SS18: variants seen among roughly 807,000 people sequenced by gnomAD.
The protein encoded by SS18 is protein SSXT.
SS18 carries 28 observed loss-of-function variants against 72.5 expected under a neutral mutation model. The observed-to-expected ratio is 0.39, with a 90% CI of 0.29 to 0.53. The LOEUF is 0.53. Among genes scored for constraint, SS18 ranks in the 20% least tolerant of loss-of-function variants. The pLI is 0.76. For synonymous variants in SS18, 172 were observed against 164.2 expected, an observed-to-expected ratio of 1.05 and a Z score of -0.37; for missense variants, 518 against 535.3, an observed-to-expected ratio of 0.97 and a Z score of 0.32.
chr18:26,068,818 A>G lies in SS18; in HGVS notation c.231+9258T>C, dbSNP rs370414941. On this transcript the variant is annotated intron_variant, in intron 3 of 10. Transcript: ENST00000415083. ...TCAATCAATTTTTATTTAACAGGTC[A>G]GACTTTTATTTTTTGTACAGATATC... is the stretch of plus-strand genomic sequence containing the variant. Among the ~76,000 whole-genome samples, 40 of 152,342 alleles carry G rather than the reference A, an allele frequency of 2.6e-4. 1 individual carries two copies. In the East Asian group the frequency reaches 7.7e-3, roughly 29 times the overall value.
At chr18:26,032,295 G>A in intron 10 of SS18, 104 bp downstream of exon 10, 1 of 1,349,290 alleles carries the variant, frequency 7.4e-7, no homozygotes, top group Non-Finnish European at 1.0e-6. Context: ...ATTCCCTCAT[G>A]AGGGAAACAT....
At chr18:26,080,399 T>C (rs1382241628) in intron 2 of SS18, 1 of 985,308 alleles carries the variant, frequency 1.0e-6, no homozygotes, top group East Asian at 1.1e-4. Context: ...CAAACCATAC[T>C]AACAGATGTG....
intron 3 of SS18, among the ~76,000 whole-genome samples, chr18:26,072,539 G>A (rs2054330273): frequency 6.6e-6 from 1 of 151,832 alleles, no homozygotes; most frequent in African/African-American, 2.4e-5. Flanking sequence ...GATGTTGCAG[G>A]CGGCGCGCAG....
At chr18:26,075,992 T>C (rs892162930) in intron 3 of SS18, among the ~76,000 whole-genome samples, 1 of 151,844 alleles carries the variant, frequency 6.6e-6, no homozygotes, top group Non-Finnish European at 1.5e-5. Flanking sequence ...ATTAAATATC[T>C]AGCAATAAGC....
intron 3 of SS18, among the ~76,000 whole-genome samples, chr18:26,065,347 G>A (rs972425358): frequency 1.3e-5 from 2 of 151,956 alleles, no homozygotes; most frequent in Non-Finnish European, 1.5e-5. Context: ...TTAATACAAC[G>A]ACAGACAAAC....
chr18:26,071,094 A>C (rs1187558338), intron 3 of SS18, among the ~76,000 whole-genome samples: 1 of 152,164 alleles, frequency 6.6e-6, no homozygotes, highest in Non-Finnish European at 1.5e-5. Context: ...AAAAGTCTGA[A>C]GGGATTAAGA....
Position 26,052,121 on chromosome 18 carries a change from T to C in SS18, c.607+503A>G, listed in dbSNP as rs570511453. ...AACATGGTACAATTTCATTCTGAGA[T>C]TGGTAATAAACTTTAATGGACTTAC... On this transcript the variant is annotated intron_variant, in intron 5 of 10. Transcript: ENST00000415083. Among the ~76,000 whole-genome samples, 433 of 152,290 alleles carry C rather than the reference T, an allele frequency of 2.8e-3. 2 individuals carry two copies. Among genetic ancestry groups the C allele is most frequent in the Non-Finnish European group, 4.1e-3 (276 of 68,008 alleles).
Position 26,035,807 on chromosome 18 carries a change from A to G in SS18, c.973+24T>C, listed in dbSNP as rs889281659. On this transcript the variant is annotated intron_variant, in intron 8 of 10. Coordinates refer to ENST00000415083, the MANE Select transcript of SS18 (RefSeq NM_001007559.3). The surrounding 1 kb of genome is among the most constrained non-coding windows in gnomAD (Gnocchi z 4.4). Reference sequence around the variant, plus strand: ...CCTGTAGAAGGGGATATATATGTGTATGTGTGTGAAGGTATATAGATACCT... The same window carrying G: ...CCTGTAGAAGGGGATATATATGTGTGTGTGTGTGAAGGTATATAGATACCT... 1.3e-5 allele frequency: 19 copies of G among 1,482,138 alleles called. No individual in the cohort carries two copies. The highest frequency in any genetic ancestry group is 1.7e-5 in the Non-Finnish European group (18 of 1,073,394). 91.8% of individuals were successfully genotyped at this position (1,482,138 alleles called of 1,614,324 possible).
chr18:26,018,488 G>T, intron 10 of SS18, 108 bp from the exon 11 acceptor site: 1 of 876,282 alleles, frequency 1.1e-6, no homozygotes, highest in Non-Finnish European at 1.7e-6. Context: ...AAAAGCAGCC[G>T]TACCTACAAT....
Position 26,035,559 on chromosome 18 carries a change from T to G in SS18, c.973+272A>C. ...ACACGAGAAAAAAAAGTTTGATGGATTTATGTTCAAATAGAAAATTTCCAC... is the reference window on the plus strand; with the variant it reads ...ACACGAGAAAAAAAAGTTTGATGGAGTTATGTTCAAATAGAAAATTTCCAC... On this transcript the variant is annotated intron_variant, in intron 8 of 10. Coordinates refer to ENST00000415083, the MANE Select transcript of SS18 (RefSeq NM_001007559.3). This position sits in a 1 kb window ranked among gnomAD's most constrained non-coding sequence, Gnocchi z 4.4. The G allele has an allele frequency of 3.1e-6, 1 of 327,234 alleles. No individual in the cohort carries two copies. The highest frequency in any genetic ancestry group is 5.5e-6 in the Non-Finnish European group (1 of 180,342). The allele number at this position is 327,234 out of a possible 1,614,324, so 20.3% of individuals were successfully genotyped here. A position where few individuals can be genotyped will look rare whatever the true frequency, so the allele number is the denominator to read the frequency against.
intron 5 of SS18, among the ~76,000 whole-genome samples, chr18:26,043,763 A>C (rs1392717887): frequency 6.6e-6 from 1 of 152,336 alleles, no homozygotes; most frequent in East Asian, 1.9e-4. Context: ...ACTGCAGCCA[A>C]GCACAAATTT....
intron 3 of SS18, among the ~76,000 whole-genome samples, chr18:26,068,783 C>T (rs2054262968): frequency 6.6e-6 from 1 of 152,130 alleles, no homozygotes; most frequent in South Asian, 2.1e-4. Context: ...AAATGTAAGA[C>T]TACATAGCCT....
chr18:26,065,824 T>TATATATATATATATATATATATA (rs10527527), intron 3 of SS18, among the ~76,000 whole-genome samples: 104 of 136,710 alleles, frequency 7.6e-4, no homozygotes, highest in Middle Eastern at 3.8e-3. Context: ...TATATATATA[T>TATATATATATATATATATATATA]GATCATTTTA....
chr18:26,053,377 G>A (rs1229781144), intron 4 of SS18, among the ~76,000 whole-genome samples: 1 of 150,130 alleles, frequency 6.7e-6, no homozygotes, highest in Non-Finnish European at 1.5e-5. Flanking sequence ...TTAAAAAGAA[G>A]AAACCATAAA....
intron 10 of SS18, among the ~76,000 whole-genome samples, chr18:26,019,458 A>T (rs2143756687): frequency 6.6e-6 from 1 of 152,264 alleles, no homozygotes; most frequent in South Asian, 2.1e-4. Context: ...AAGTAAATAC[A>T]CATGATAATG....
chr18:26,047,443 A>C (rs2053845600), intron 5 of SS18, among the ~76,000 whole-genome samples: 1 of 144,662 alleles, frequency 6.9e-6, no homozygotes, highest in South Asian at 2.3e-4. Flanking sequence ...ACCATAACTT[A>C]GCAAATGCTG....
At chr18:26,041,220 C>T (rs895141632) in intron 5 of SS18, among the ~76,000 whole-genome samples, 1 of 152,006 alleles carries the variant, frequency 6.6e-6, no homozygotes, top group Non-Finnish European at 1.5e-5. Context: ...GTCAGGAGTT[C>T]GAGACCAGCC....
chr18:26,072,546 G>A (rs906442243), intron 3 of SS18, among the ~76,000 whole-genome samples: 15 of 151,802 alleles, frequency 9.9e-5, no homozygotes, highest in Admixed American at 9.9e-4. Context: ...CAGGCGGCGC[G>A]CAGCACTTTG....
At chr18:26,080,420 G>C in intron 2 of SS18, 1 of 984,164 alleles carries the variant, frequency 1.0e-6, no homozygotes, top group Non-Finnish European at 1.2e-6. Flanking sequence ...GTTTATTCAT[G>C]ACCCTTTAAG....
Sources: allele counts gnomAD v4.1 joint callset (sites outside exome capture counted in the v4.1 genomes callset), GRCh38; gene constraint gnomAD v4.1.1; non-coding constraint Gnocchi (gnomAD v3.1); transcripts MANE v1.5; gene names NCBI Gene and HGNC (gene_info 2026-07-23, HGNC 2026-07-21).